QSOX2: variants seen among roughly 807,000 people sequenced by gnomAD.
The protein encoded by QSOX2 is sulfhydryl oxidase 2.
QSOX2 carries 46 observed loss-of-function variants against 61.7 expected under a neutral mutation model. The ratio of observed to expected loss-of-function variants is 0.75; its 90% CI spans 0.59 to 0.95. The LOEUF (loss-of-function observed/expected upper bound fraction) is 0.95, where lower values mean the gene tolerates loss of function less well. Ranked by LOEUF, QSOX2 falls within the 40% of genes least tolerant of loss-of-function variation. The pLI, the probability that QSOX2 is intolerant of heterozygous loss-of-function variation, is 0.00. For missense variants in QSOX2, 879 were observed against 918.9 expected, an observed-to-expected ratio of 0.96 and a Z score of 0.56; for synonymous variants, 383 against 388.4, an observed-to-expected ratio of 0.99 and a Z score of 0.16.
chr9:136,228,667 G>T (rs984095917), intron 1 of QSOX2, among the ~76,000 whole-genome samples: 2 of 152,228 alleles, frequency 1.3e-5, no homozygotes, highest in East Asian at 3.8e-4. Flanking sequence ...GCAGAGGCGA[G>T]ACCCAGGCAC....
rs573982870 is a variant in QSOX2, at chr9:136,229,013, G to A, written c.329-2139C>T. On this transcript the variant is annotated intron_variant, in intron 1 of 11. Transcript: ENST00000358701. ...AATATGAAGGCTTGTGTGTGTTAGCGGTTCAGATTGCTATTTTTCTACATA... is the reference window on the plus strand; with the variant it reads ...AATATGAAGGCTTGTGTGTGTTAGCAGTTCAGATTGCTATTTTTCTACATA... Among the ~76,000 whole-genome samples, 22 of 152,254 alleles carry A rather than the reference G, an allele frequency of 1.4e-4. No individual in the cohort carries two copies. In the East Asian group the frequency reaches 3.1e-3, roughly 21 times the overall value.
chr9:136,238,394 A>G (rs1166440510), intron 1 of QSOX2, among the ~76,000 whole-genome samples: 1 of 146,860 alleles, frequency 6.8e-6, no homozygotes, highest in Non-Finnish European at 1.5e-5. Flanking sequence ...ACTTTTGCCC[A>G]AACACTGTCT....
chr9:136,216,793 G>C, intron 8 of QSOX2, 71 bp from the exon 9 acceptor site: 2 of 1,572,062 alleles, frequency 1.3e-6, no homozygotes, highest in Non-Finnish European at 8.7e-7. Flanking sequence ...GGGGGGCACC[G>C]CACCTCCAAA....
intron 1 of QSOX2, among the ~76,000 whole-genome samples, chr9:136,244,031 G>A (rs1296770887): frequency 2.0e-5 from 3 of 151,554 alleles, no homozygotes; most frequent in East Asian, 3.9e-4. Flanking sequence ...AATCTGGTAC[G>A]ATCTTTAGAC....
Position 136,209,670 on chromosome 9 carries a change from T to C in QSOX2, c.1550-395A>G. ...GCCTGTGTGCCCCTCCCCCCACTGC[T>C]GCCCCTCTGCCCTTTCCTGAGGGTG... On this transcript the variant is annotated intron_variant, in intron 11 of 11. Coordinates refer to ENST00000358701, the MANE Select transcript of QSOX2 (RefSeq NM_181701.4). The surrounding 1 kb of genome is among the most constrained non-coding windows in gnomAD (Gnocchi z 5.6). 9 of 985,016 alleles carry C rather than the reference T, an allele frequency of 9.1e-6. No homozygotes were observed. Among genetic ancestry groups the C allele is most frequent in the Non-Finnish European group, 9.6e-6 (8 of 829,788 alleles). 61.0% of individuals were successfully genotyped at this position (985,016 alleles called of 1,614,324 possible). A position where few individuals can be genotyped will look rare whatever the true frequency, so the allele number is the denominator to read the frequency against.
chr9:136,245,484 TC>T lies in QSOX2; in HGVS notation c.319del (p.Asp107MetfsTer66), dbSNP rs1554758396. 6.3e-7 allele frequency: 1 copy of T among 1,590,508 alleles called. No individual in the cohort carries two copies. ...YAPTWRALAG[D>X]VRDWASAIRV... is the part of the protein sequence containing the mutation. ...GCGGGGGCGCGCCTCACCTCGCACA[TC>T]CCCAGCCAGGGCCCGCCAAGTGGGC... On this transcript the variant is annotated frameshift_variant, in exon 1 of 12. Coordinates refer to ENST00000358701, the MANE Select transcript of QSOX2 (RefSeq NM_181701.4). LOFTEE classifies it high-confidence loss of function.
chr9:136,213,896 C>T (rs1351231774), intron 10 of QSOX2, among the ~76,000 whole-genome samples: 1 of 152,196 alleles, frequency 6.6e-6, no homozygotes. Context: ...CGAGTGAGCC[C>T]AAGCAGCAAC....
At chr9:136,230,391 G>A (rs917028710) in intron 1 of QSOX2, among the ~76,000 whole-genome samples, 11 of 152,220 alleles carry the variant, frequency 7.2e-5, no homozygotes, top group African/African-American at 9.6e-5. Flanking sequence ...AAACAACTCT[G>A]TAACACCTGG....
In QSOX2 at chr9:136,209,868, G is replaced by C. The variant is rs113317467; in HGVS notation, c.1550-593C>G. ...TTCAAGATCTCCAAAACTCGTTTCT[G>C]AAGTGACATGTGCTCACTTCCAGGC... On this transcript the variant is annotated intron_variant, in intron 11 of 11. Coordinates refer to ENST00000358701, the MANE Select transcript of QSOX2 (RefSeq NM_181701.4). This position sits in a 1 kb window ranked among gnomAD's most constrained non-coding sequence, Gnocchi z 5.6. 480 of 985,402 alleles carry C rather than the reference G, an allele frequency of 4.9e-4. 4 individuals are homozygous for C. The African/African-American group carries it at 7.8e-3, about 16-fold the overall frequency. The allele number at this position is 985,402 out of a possible 1,614,324, so 61.0% of individuals were successfully genotyped here. A position where few individuals can be genotyped will look rare whatever the true frequency, so the allele number is the denominator to read the frequency against.
chr9:136,241,546 C>A (rs1336998711), intron 1 of QSOX2, among the ~76,000 whole-genome samples: 1 of 152,186 alleles, frequency 6.6e-6, no homozygotes, highest in East Asian at 1.9e-4. Context: ...AGCTCCCAAC[C>A]CCCACCTGTC....
rs1831891736 is a variant in QSOX2, at chr9:136,215,043, G to C, written c.1360+111C>G. ...GAAGTGCCATTCCCCTGCCTCAGTGGCCTGGCGACATGCTGCCTCCCATAC... is the reference window on the plus strand; with the variant it reads ...GAAGTGCCATTCCCCTGCCTCAGTGCCCTGGCGACATGCTGCCTCCCATAC... On this transcript the variant is annotated intron_variant, in intron 10 of 11. Transcript: ENST00000358701. 2.8e-5 allele frequency: 37 copies of C among 1,308,060 alleles called. No homozygotes were observed. In the South Asian group the frequency reaches 5.9e-4, roughly 21 times the overall value. The allele number at this position is 1,308,060 out of a possible 1,614,324, so 81.0% of individuals were successfully genotyped here.
chr9:136,207,511 T>G lies in QSOX2; in HGVS notation c.*1217A>C, dbSNP rs1831782785. ...ATAAATGTTCCCAGAAATAGTGTAT[T>G]TGTTTGTTTACATCTTCAGAGGCAA... is the stretch of plus-strand genomic sequence containing the variant. On this transcript the variant is annotated 3_prime_UTR_variant, in exon 12 of 12. Coordinates refer to ENST00000358701, the MANE Select transcript of QSOX2 (RefSeq NM_181701.4). 1 of 152,292 alleles carries G rather than the reference T, an allele frequency of 6.6e-6. No homozygotes were observed. The highest frequency in any genetic ancestry group is 1.5e-5 in the Non-Finnish European group (1 of 68,026). The allele number at this position is 152,292 out of a possible 1,614,324, so 9.4% of individuals were successfully genotyped here.
intron 10 of QSOX2, among the ~76,000 whole-genome samples, chr9:136,214,074 G>C (rs886209519): frequency 1.3e-5 from 2 of 152,212 alleles, no homozygotes; most frequent in African/African-American, 4.8e-5. Flanking sequence ...GTTGAACTGT[G>C]TGAGTCAAGA....
At chr9:136,229,652 G>A (rs992587284) in intron 1 of QSOX2, among the ~76,000 whole-genome samples, 7 of 152,244 alleles carry the variant, frequency 4.6e-5, no homozygotes, top group Middle Eastern at 6.8e-3. Context: ...AACAAAAGAC[G>A]GGAAGAAGAA....
At chr9:136,215,508 C>T (rs1588633429) in intron 9 of QSOX2, among the ~76,000 whole-genome samples, 1 of 152,124 alleles carries the variant, frequency 6.6e-6, no homozygotes, top group Admixed American at 6.6e-5. Flanking sequence ...GAAATGGTCT[C>T]CTTTACTAAA....
At chr9:136,216,765 CG>C in intron 8 of QSOX2, 43 bp from the exon 9 acceptor site, 1 of 1,606,972 alleles carries the variant, frequency 6.2e-7, no homozygotes, top group Non-Finnish European at 8.5e-7. Context: ...GACCCAAACC[CG>C]GGCCCGCCCC....
In QSOX2 at chr9:136,208,784, A is replaced by G. The variant is rs1184876921; in HGVS notation, c.2041T>C (p.Phe681Leu). 1 of 1,613,908 alleles carries G rather than the reference A, an allele frequency of 6.2e-7. No homozygotes were observed. Among genetic ancestry groups the G allele is most frequent in the Admixed American group, 1.7e-5 (1 of 60,026 alleles). Residue 681 changes from phenylalanine (F) to leucine (L), a missense_variant, in exon 12 of 12, where the codon TTC (phenylalanine) becomes CTC (leucine). Transcript: ENST00000358701. Reference sequence around the variant, plus strand: ...CACCGCCTGGACCTCACCCGGAAGAAGAAGTACATCACCATGAGGAACAGG... The same window carrying G: ...CACCGCCTGGACCTCACCCGGAAGAGGAAGTACATCACCATGAGGAACAGG... ...SSLFLMVMYF[F>L]FRVRSRRWKV...
intron 3 of QSOX2, among the ~76,000 whole-genome samples, chr9:136,224,646 TTAC>T (rs1830262259): frequency 6.6e-6 from 1 of 152,244 alleles, no homozygotes; most frequent in African/African-American, 2.4e-5. Context: ...GAAAAAGTTT[TTAC>T]TACAATATTT....
intron 2 of QSOX2, among the ~76,000 whole-genome samples, chr9:136,225,528 G>A (rs558289269): frequency 9.8e-5 from 15 of 152,360 alleles, no homozygotes; most frequent in African/African-American, 3.6e-4. Context: ...CAGCCGCCAG[G>A]GAAATGCAAA....
Sources: allele counts gnomAD v4.1 joint callset (sites outside exome capture counted in the v4.1 genomes callset), GRCh38; gene constraint gnomAD v4.1.1; non-coding constraint Gnocchi (gnomAD v3.1); transcripts MANE v1.5; gene names NCBI Gene and HGNC (gene_info 2026-07-23, HGNC 2026-07-21).